CREB5: variants seen among roughly 807,000 people sequenced by gnomAD.
CREB5 encodes the protein cyclic AMP-responsive element-binding protein 5.
CREB5 carries 19 observed loss-of-function variants against 57.1 expected under a neutral mutation model. The ratio of observed to expected loss-of-function variants is 0.33; its 90% CI spans 0.23 to 0.49. The LOEUF (loss-of-function observed/expected upper bound fraction) is 0.49. Ranked by LOEUF, CREB5 falls within the 20% of genes least tolerant of loss-of-function variation. CREB5 has a pLI of 0.99. For synonymous variants in CREB5, 238 were observed against 238.3 expected, an observed-to-expected ratio of 1.00 and a Z score of 0.01; for missense variants, 579 against 671.6, an observed-to-expected ratio of 0.86 and a Z score of 1.52.
At chr7:28,657,717 GAAAA>G (rs59307921) in intron 5 of CREB5, among the ~76,000 whole-genome samples, 8 of 54,034 alleles carry the variant, frequency 1.5e-4, no homozygotes, top group Admixed American at 2.4e-4. Flanking sequence ...ACTCTCTCTC[GAAAA>G]AAAAAAAAAA....
chr7:28,412,368 C>G (rs1462884019), upstream of CREB5, among the ~76,000 whole-genome samples: 4 of 152,138 alleles, frequency 2.6e-5, no homozygotes, highest in African/African-American at 9.7e-5. Context: ...AGCAGCTGAA[C>G]CCTGACAAGT....
intron 4 of CREB5, among the ~76,000 whole-genome samples, chr7:28,555,668 TA>T (rs963885630): frequency 6.6e-6 from 1 of 151,774 alleles, no homozygotes; most frequent in East Asian, 1.9e-4. Context: ...TAGAGCAAAA[TA>T]AAAAAAACAG....
chr7:28,335,136 C>T (rs940434261), intron 1 of CREB5, among the ~76,000 whole-genome samples: 3 of 152,092 alleles, frequency 2.0e-5, no homozygotes, highest in South Asian at 2.1e-4. Context: ...AATGTGATTC[C>T]TCCAGTTTTG....
chr7:28,309,356 C>T (rs889799797), intron 1 of CREB5, among the ~76,000 whole-genome samples: 26 of 152,174 alleles, frequency 1.7e-4, no homozygotes, highest in Admixed American at 1.2e-3. Flanking sequence ...CTAGAACACC[C>T]GCTCACAGAG....
intron 1 of CREB5, among the ~76,000 whole-genome samples, chr7:28,339,087 GC>G (rs1361042241): frequency 1.3e-5 from 2 of 152,036 alleles, no homozygotes; most frequent in Non-Finnish European, 2.9e-5. Flanking sequence ...TGTCTGAAAG[GC>G]CACATATCTT....
rs111666594 is a variant in CREB5, at chr7:28,611,672, CTAAATAAATAAATAAATAAATAAA to C, written c.464+41156_464+41179del. ...GCCTGTGCGACAGAGACTCTGTCTC[CTAAATAAATAAATAAATAAATAAA>C]TAAATAAATAAATAAATAAAATATA... On this transcript the variant is annotated intron_variant, in intron 5 of 10. Coordinates refer to ENST00000357727, the MANE Select transcript of CREB5 (RefSeq NM_182898.4). Among the ~76,000 whole-genome samples, 157 of 135,300 alleles carry C rather than the reference CTAAATAAATAAATAAATAAATAAA, an allele frequency of 1.2e-3. 1 individual carries two copies. The highest frequency in any genetic ancestry group is 4.3e-3 in the African/African-American group (152 of 35,570). 88.8% of individuals were successfully genotyped at this position (135,300 alleles called of 152,430 possible). A position where few individuals can be genotyped will look rare whatever the true frequency, so the allele number is the denominator to read the frequency against.
chr7:28,455,024 A>G (rs1377525552), intron 1 of CREB5, among the ~76,000 whole-genome samples: 1 of 152,218 alleles, frequency 6.6e-6, no homozygotes, highest in Non-Finnish European at 1.5e-5. Flanking sequence ...TGAACACGGT[A>G]CCTCTACTGA....
chr7:28,327,530 G>T (rs1411596504), intron 1 of CREB5, among the ~76,000 whole-genome samples: 1 of 152,202 alleles, frequency 6.6e-6, no homozygotes, highest in African/African-American at 2.4e-5. Flanking sequence ...CTCATCTTCT[G>T]CTGTAGTATG....
chr7:28,726,182 A>C (rs573482736), intron 7 of CREB5, among the ~76,000 whole-genome samples: 20 of 152,176 alleles, frequency 1.3e-4, no homozygotes, highest in Non-Finnish European at 2.1e-4. Context: ...TGTTCTAAGA[A>C]AATGAATATT....
intron 7 of CREB5, among the ~76,000 whole-genome samples, chr7:28,781,734 C>T (rs892026833): frequency 6.6e-6 from 1 of 151,770 alleles, no homozygotes; most frequent in African/African-American, 2.4e-5. Flanking sequence ...CCATGAAATT[C>T]CCTATCAATC....
intron 1 of CREB5, among the ~76,000 whole-genome samples, chr7:28,315,141 A>G (rs1398362716): frequency 2.0e-5 from 3 of 152,136 alleles, no homozygotes; most frequent in South Asian, 2.1e-4. Flanking sequence ...AAATGGCTCA[A>G]TGTATATGTC....
intron 1 of CREB5, among the ~76,000 whole-genome samples, chr7:28,362,614 C>T (rs889076319): frequency 6.6e-6 from 1 of 152,232 alleles, no homozygotes; most frequent in Admixed American, 6.5e-5. Flanking sequence ...GTCACTAATT[C>T]TCAATAGATA....
rs746336403 is a variant in CREB5, at chr7:28,329,573, C to T, written c.-25+30132C>T. On this transcript the variant is annotated intron_variant, in intron 1 of 9. Transcript: ENST00000396299. Reference sequence around the variant, plus strand: ...CCGACTTGTTTAAACTTTTCAACTTCTTTCTTTTAAAAAATCGAATTGCTG... The same window carrying T: ...CCGACTTGTTTAAACTTTTCAACTTTTTTCTTTTAAAAAATCGAATTGCTG... Among the ~76,000 whole-genome samples the T allele has an allele frequency of 1.1e-3, 168 of 152,334 alleles. 1 individual carries two copies. The highest frequency in any genetic ancestry group is 2.1e-3 in the Non-Finnish European group (143 of 68,020).
At chr7:28,712,301 A>G (rs528020281) in intron 5 of CREB5, among the ~76,000 whole-genome samples, 1 of 152,154 alleles carries the variant, frequency 6.6e-6, no homozygotes, top group South Asian at 2.1e-4. Context: ...TGAGGTCAAG[A>G]GTTCAAGACC....
intron 7 of CREB5, among the ~76,000 whole-genome samples, chr7:28,789,709 T>G (rs190935340): frequency 6.6e-6 from 1 of 152,186 alleles, no homozygotes; most frequent in South Asian, 2.1e-4. Flanking sequence ...CAAAGAGAAG[T>G]GTAACTGTTA....
At chr7:28,370,944 G>A (rs59195794) in intron 1 of CREB5, among the ~76,000 whole-genome samples, 11,815 of 152,234 alleles carry the variant, frequency 0.078, 1,533 homozygotes, top group African/African-American at 0.27. Context: ...AACCTCTGAG[G>A]AAGCCACCAC....
intron 5 of CREB5, among the ~76,000 whole-genome samples, chr7:28,650,173 A>C (rs954484051): frequency 2.0e-5 from 3 of 152,238 alleles, no homozygotes; most frequent in African/African-American, 4.8e-5. Flanking sequence ...TTCTGTGTCC[A>C]GAATAGAGAA....
intron 1 of CREB5, among the ~76,000 whole-genome samples, chr7:28,439,466 A>G (rs1175591128): frequency 6.6e-6 from 1 of 152,172 alleles, no homozygotes; most frequent in African/African-American, 2.4e-5. Flanking sequence ...ATAAATCCCT[A>G]TAATAGCCAG....
intron 7 of CREB5, among the ~76,000 whole-genome samples, chr7:28,736,499 A>G (rs1488155348): frequency 6.6e-6 from 1 of 152,056 alleles, no homozygotes; most frequent in East Asian, 1.9e-4. Context: ...ACTTACATAT[A>G]TTATCTTCTT....
Sources: gnomAD v4.1 joint callset for allele counts (sites outside exome capture counted in the v4.1 genomes callset) on GRCh38, gnomAD v4.1.1 for gene constraint, MANE v1.5 for transcripts, NCBI Gene and HGNC (gene_info 2026-07-23, HGNC 2026-07-21) for gene names.